The following GFM2 variants were observed in gnomAD, a reference collection of about 807,000 sequenced individuals.
The protein encoded by GFM2 is GTP dependent ribosome recycling factor mitochondrial 2.
Under a neutral mutation model 95.4 loss-of-function variants are expected in GFM2, and 72 were observed. The observed-to-expected ratio is 0.76, with a 90% CI of 0.62 to 0.92. GFM2 has a LOEUF of 0.92. Among genes scored for constraint, GFM2 ranks in the 40% least tolerant of loss-of-function variants. GFM2 has a pLI of 0.00. For missense variants in GFM2, 825 were observed against 924.1 expected, an observed-to-expected ratio of 0.89 and a Z score of 1.39; for synonymous variants, 276 against 317.5, an observed-to-expected ratio of 0.87 and a Z score of 1.39.
intron 17 of GFM2, among the ~76,000 whole-genome samples, chr5:74,727,850 TAAC>T (rs1218331352): frequency 1.3e-5 from 2 of 152,142 alleles, no homozygotes; most frequent in African/African-American, 4.8e-5. Context: ...TCAGGCAAAT[TAAC>T]ATCTATCATG....
Position 74,721,482 on chromosome 5 carries a change from T to G in GFM2, c.*173A>C, listed in dbSNP as rs1167203134. On this transcript the variant is annotated 3_prime_UTR_variant, in exon 21 of 21. Coordinates refer to ENST00000296805, the MANE Select transcript of GFM2 (RefSeq NM_032380.5). ...AAAGCACATTTCTCATTATATAAAT[T>G]AAAACGGGTGGCTCCAGTGCCACTA... The G allele has an allele frequency of 5.3e-6, 4 of 752,098 alleles. No individual in the cohort carries two copies. In the East Asian group the frequency reaches 1.0e-4, roughly 19 times the overall value. 46.6% of individuals were successfully genotyped at this position (752,098 alleles called of 1,614,324 possible).
At chr5:74,732,999 G>A in intron 16 of GFM2, 23 bp downstream of exon 16, 1 of 1,415,194 alleles carries the variant, frequency 7.1e-7, no homozygotes, top group Non-Finnish European at 1.0e-6. Context: ...AAGGCTTCTG[G>A]AGTTTAGCAA....
At chr5:74,729,559 A>G (rs1750316964) in intron 17 of GFM2, among the ~76,000 whole-genome samples, 1 of 152,206 alleles carries the variant, frequency 6.6e-6, no homozygotes, top group Non-Finnish European at 1.5e-5. Flanking sequence ...CAGAAAGAGA[A>G]CGCCTCATGC....
Position 74,751,454 on chromosome 5 carries a change from TG to T in GFM2, c.343del (p.Gln115LysfsTer25), listed in dbSNP as rs1743707122. On this transcript the variant is annotated frameshift_variant, in exon 6 of 21. Coordinates refer to ENST00000296805, the MANE Select transcript of GFM2 (RefSeq NM_032380.5). LOFTEE classifies it high-confidence loss of function. ...AATAGTAATGCCTCTTTCTCGCTCT[TG>T]GGCCATGAAATCTGTCACTGTGTCT... ...DGDTVTDFMA[Q>X]ERERGITIQS... is the part of the protein sequence containing the mutation. 1 of 1,610,814 alleles carries T rather than the reference TG, an allele frequency of 6.2e-7. No homozygotes were observed. The highest frequency in any genetic ancestry group is 1.3e-5 in the African/African-American group (1 of 74,860).
chr5:74,733,334 A>AG (rs1308363560), intron 15 of GFM2: 1 of 345,138 alleles, frequency 2.9e-6, no homozygotes, highest in East Asian at 5.5e-5. Flanking sequence ...TTACAAAAAA[A>AG]GAAAAAAAAA....
Position 74,726,072 on chromosome 5 carries a change from T to A in GFM2, c.1781A>T (p.Glu594Val). The change falls in exon 18 of 21, where the codon GAA (glutamate) becomes GTA (valine). Residue 594 changes from glutamate (E) to valine (V), a missense_variant. Physicochemically the swap from Glu to Val is moderately radical, Grantham distance 121. Transcript: ENST00000296805. ...DKRHLVTVEV[E>V]ARPIETSSVM... is the part of the protein sequence containing the mutation. ...AGATGATGTTTCAATTGGCCTTGCTTCCACTTCTACAGTCACAAGATGCCT... is the reference window on the plus strand; with the variant it reads ...AGATGATGTTTCAATTGGCCTTGCTACCACTTCTACAGTCACAAGATGCCT... The A allele has an allele frequency of 6.2e-7, 1 of 1,613,068 alleles. No individual in the cohort carries two copies. Among genetic ancestry groups the A allele is most frequent in the Non-Finnish European group, 8.5e-7 (1 of 1,179,698 alleles).
At chr5:74,763,865 G>A in intron 1 of GFM2, 99 bp from the exon 2 acceptor site, 4 of 583,214 alleles carry the variant, frequency 6.9e-6, no homozygotes, top group Middle Eastern at 4.3e-4. Flanking sequence ...ATGGTAAAAT[G>A]TATTACTTTT....
At chr5:74,732,642 G>A (rs987951904) in intron 16 of GFM2, among the ~76,000 whole-genome samples, 2 of 151,962 alleles carry the variant, frequency 1.3e-5, no homozygotes. Flanking sequence ...GTGTTTTACT[G>A]TCTTCAAAAG....
At chr5:74,739,964 T>G in intron 12 of GFM2, 25 bp downstream of exon 12, 1 of 1,427,766 alleles carries the variant, frequency 7.0e-7, no homozygotes. Context: ...CTATAGAATT[T>G]TAATATATGT....
chr5:74,758,657 A>G (rs904890260), intron 5 of GFM2, among the ~76,000 whole-genome samples, 192 bp downstream of exon 5: 1 of 152,198 alleles, frequency 6.6e-6, no homozygotes, highest in Non-Finnish European at 1.5e-5. Flanking sequence ...ATAGTCTTAC[A>G]AGTCTGAATA....
At chr5:74,722,265 A>C (rs1397146838) in intron 20 of GFM2, 114 bp downstream of exon 20, 2 of 855,484 alleles carry the variant, frequency 2.3e-6, no homozygotes, top group East Asian at 4.9e-5. Context: ...CTTAACATGT[A>C]TTCTCTAAAT....
Position 74,751,355 on chromosome 5 carries a change from A to G in GFM2, c.430+13T>C. ...TGACGCAGCATCTCTGTGTTACTGG[A>G]ATCGTACCATACCTGGTGTATCAAT... On this transcript the variant is annotated intron_variant, in intron 6 of 20. Transcript: ENST00000296805. 1 of 1,608,758 alleles carries G rather than the reference A, an allele frequency of 6.2e-7. No individual in the cohort carries two copies. Among genetic ancestry groups the G allele is most frequent in the Non-Finnish European group, 8.5e-7 (1 of 1,177,534 alleles).
intron 15 of GFM2, chr5:74,733,416 G>A (rs980541216): frequency 5.4e-6 from 1 of 184,850 alleles, no homozygotes; most frequent in Non-Finnish European, 1.1e-5. Context: ...ATAATGGGAG[G>A]CTACCTGAGA....
chr5:74,763,204 C>T (rs1488421622), intron 2 of GFM2, among the ~76,000 whole-genome samples: 3 of 152,122 alleles, frequency 2.0e-5, no homozygotes, highest in African/African-American at 4.8e-5. Flanking sequence ...ATCAGACTGC[C>T]GAAGAAGCTG....
chr5:74,745,561 A>G, intron 10 of GFM2, 117 bp downstream of exon 10: 2 of 706,698 alleles, frequency 2.8e-6, no homozygotes, highest in South Asian at 2.2e-5. Flanking sequence ...GCATCTGCAG[A>G]TTTTGGTATC....
At chr5:74,764,768 T>A (rs1391386294) in intron 1 of GFM2, among the ~76,000 whole-genome samples, 2 of 150,072 alleles carry the variant, frequency 1.3e-5, no homozygotes, top group Non-Finnish European at 3.0e-5. Context: ...TTGAATCTGT[T>A]CCCTTTGTTG....
intron 4 of GFM2, among the ~76,000 whole-genome samples, 192 bp from the exon 5 acceptor site, chr5:74,759,138 C>T (rs993666620): frequency 1.3e-5 from 2 of 152,194 alleles, no homozygotes; most frequent in Middle Eastern, 3.4e-3. Context: ...TAACTACAAC[C>T]TACAATTTTG....
Position 74,758,292 on chromosome 5 carries a change from G to A in GFM2, c.304+557C>T, listed in dbSNP as rs908754267. Among the ~76,000 whole-genome samples the A allele has an allele frequency of 5.9e-5, 9 of 152,204 alleles. No homozygotes were observed. In the East Asian group the frequency reaches 7.7e-4, roughly 13 times the overall value. The stretch of plus-strand genomic sequence containing the variant: ...GATTGGTAAACTAAATCTGAATTGC[G>A]AAGAACTATAAATGAATTATATATA... On this transcript the variant is annotated intron_variant, in intron 5 of 20. Coordinates refer to ENST00000296805, the MANE Select transcript of GFM2 (RefSeq NM_032380.5).
Position 74,759,359 on chromosome 5 carries a change from T to TA in GFM2, c.206+9dup. The TA allele has an allele frequency of 6.9e-7, 1 of 1,445,168 alleles. No homozygotes were observed. The highest frequency in any genetic ancestry group is 9.7e-7 in the Non-Finnish European group (1 of 1,035,246). 89.5% of individuals were successfully genotyped at this position (1,445,168 alleles called of 1,614,324 possible). On this transcript the variant is annotated intron_variant, in intron 4 of 20. Transcript: ENST00000296805. ...TCTATGGAAAAGCATGATATAATGA[T>TA]AGTACTTACTTAGCTATGGGAGGAT...
Sources: gnomAD v4.1 joint callset for allele counts (sites outside exome capture counted in the v4.1 genomes callset) on GRCh38, gnomAD v4.1.1 for gene constraint, MANE v1.5 for transcripts, NCBI Gene and HGNC (gene_info 2026-07-23, HGNC 2026-07-21) for gene names.